THSD7B: variants seen among roughly 807,000 people sequenced by gnomAD.
THSD7B encodes thrombospondin type-1 domain-containing protein 7B.
THSD7B carries 138 observed loss-of-function variants against 213.6 expected under a neutral mutation model. The observed-to-expected ratio is 0.65, with a 90% CI of 0.56 to 0.74. THSD7B has a LOEUF of 0.74. Among genes scored for constraint, THSD7B ranks in the 30% least tolerant of loss-of-function variants. The pLI is 0.00. For synonymous variants in THSD7B, 742 were observed against 687.0 expected (o/e 1.08, Z -1.25); for missense variants, 1,931 against 1,991.5 (o/e 0.97, Z 0.58).
intron 1 of THSD7B, among the ~76,000 whole-genome samples, chr2:136,788,538 C>A (rs1018175712): frequency 6.6e-6 from 1 of 152,060 alleles, no homozygotes; most frequent in Admixed American, 6.6e-5. Flanking sequence ...AAAAAATATT[C>A]TTTTATATTT....
At chr2:137,184,879 T>C (rs1157517036) in intron 7 of THSD7B, among the ~76,000 whole-genome samples, 2 of 152,222 alleles carry the variant, frequency 1.3e-5, no homozygotes, top group African/African-American at 4.8e-5. Flanking sequence ...TTTGGGAATA[T>C]GAGGCTTCAT....
chr2:137,329,026 G>C (rs1292886489), intron 12 of THSD7B, among the ~76,000 whole-genome samples: 2 of 152,160 alleles, frequency 1.3e-5, no homozygotes, highest in Non-Finnish European at 2.9e-5. Flanking sequence ...AAAGACTAGG[G>C]TGCTGCCATA....
At chr2:137,655,074 C>T (rs1008703826) in intron 21 of THSD7B, among the ~76,000 whole-genome samples, 5 of 152,020 alleles carry the variant, frequency 3.3e-5, no homozygotes, top group Non-Finnish European at 7.4e-5. Context: ...GAAACCTCAA[C>T]CTAATCCATA....
intron 17 of THSD7B, among the ~76,000 whole-genome samples, chr2:137,573,279 C>A (rs954047685): frequency 6.6e-6 from 1 of 151,894 alleles, no homozygotes; most frequent in African/African-American, 2.4e-5. Context: ...TATATGAATT[C>A]AAACATTAGA....
intron 20 of THSD7B, among the ~76,000 whole-genome samples, chr2:137,636,101 A>G (rs1682828254): frequency 6.6e-6 from 1 of 152,178 alleles, no homozygotes; most frequent in South Asian, 2.1e-4. Flanking sequence ...CTGAATCTGC[A>G]TTATTGTGAA....
rs141360129 is a variant in THSD7B, at chr2:136,997,859, C to T, written c.140-58561C>T. The stretch of plus-strand genomic sequence containing the variant: ...GCTCAAAGCTTGGGACCCTACCACA[C>T]AGGCCTCAGGGAGCTCAGCTTAAGC... On this transcript the variant is annotated intron_variant, in intron 2 of 27. Transcript: ENST00000409968. Among the ~76,000 whole-genome samples the T allele has an allele frequency of 3.9e-4, 60 of 152,262 alleles. No homozygotes were observed. In the East Asian group the frequency reaches 0.011, roughly 28 times the overall value.
At chr2:136,946,606 G>A (rs1684942769) in intron 2 of THSD7B, among the ~76,000 whole-genome samples, 2 of 152,158 alleles carry the variant, frequency 1.3e-5, no homozygotes, top group African/African-American at 4.8e-5. Flanking sequence ...TCTATAGAGG[G>A]AGCAAGCTTT....
chr2:137,317,495 T>G (rs16838743), intron 12 of THSD7B, among the ~76,000 whole-genome samples: 4,127 of 152,332 alleles, frequency 0.027, 209 homozygotes, highest in African/African-American at 0.092. Context: ...TCTAGAGCAT[T>G]CTAATCAAAT....
chr2:136,897,903 G>A (rs1456721567), intron 2 of THSD7B, among the ~76,000 whole-genome samples: 1 of 151,868 alleles, frequency 6.6e-6, no homozygotes, highest in African/African-American at 2.4e-5. Flanking sequence ...GACACAGAGT[G>A]CTGATTGGTG....
At chr2:136,847,350 C>G (rs770846556) in intron 1 of THSD7B, among the ~76,000 whole-genome samples, 1 of 152,138 alleles carries the variant, frequency 6.6e-6, no homozygotes, top group Non-Finnish European at 1.5e-5. Flanking sequence ...ATCTAGAACA[C>G]TCTGGAAAGC....
intron 13 of THSD7B, among the ~76,000 whole-genome samples, chr2:137,409,809 T>C (rs72847173): frequency 0.23 from 34,281 of 152,212 alleles, 4,030 homozygotes; most frequent in South Asian, 0.27. Flanking sequence ...GGAAAGAATA[T>C]TTCGAGAATG....
At chr2:137,298,790 A>T (rs1242046826) in intron 12 of THSD7B, among the ~76,000 whole-genome samples, 2 of 152,300 alleles carry the variant, frequency 1.3e-5, no homozygotes, top group East Asian at 3.9e-4. Context: ...TCAAGAATTG[A>T]GGTTTGGAAA....
chr2:137,115,190 C>T lies in THSD7B; in HGVS notation c.1266C>T (p.Pro422=). 6.2e-7 allele frequency: 1 copy of T among 1,613,888 alleles called. No homozygotes were observed. Reference sequence around the variant, plus strand: ...CTCTCCTCCTCGAGCAGCAGGATCCCCACTGGCATGTGACGGGACCCGTGT... The same window carrying T: ...CTCTCCTCCTCGAGCAGCAGGATCCTCACTGGCATGTGACGGGACCCGTGT... ...QVSLLLEQQD[P]HWHVTGPVCG... is the part of the protein sequence containing the mutation. Residue 422 remains proline, a synonymous_variant, in exon 5 of 28, where the codon CCC becomes CCT. Coordinates refer to ENST00000409968, the MANE Select transcript of THSD7B (RefSeq NM_001316349.2).
chr2:137,269,036 T>C (rs1334714207), intron 10 of THSD7B, among the ~76,000 whole-genome samples: 1 of 152,144 alleles, frequency 6.6e-6, no homozygotes, highest in Non-Finnish European at 1.5e-5. Flanking sequence ...GAAATATACA[T>C]GCACACACAT....
chr2:137,635,575 G>C (rs2104856036), intron 20 of THSD7B, among the ~76,000 whole-genome samples: 2 of 152,226 alleles, frequency 1.3e-5, no homozygotes, highest in South Asian at 4.2e-4. Context: ...AAATACAGCA[G>C]ACACAGGTAG....
intron 2 of THSD7B, among the ~76,000 whole-genome samples, chr2:136,904,114 A>G (rs1684112941): frequency 6.6e-6 from 1 of 152,126 alleles, no homozygotes; most frequent in African/African-American, 2.4e-5. Context: ...GGGCAAGAAA[A>G]TGTGTTTCTC....
chr2:136,844,819 A>C (rs1682982440), intron 1 of THSD7B, among the ~76,000 whole-genome samples: 1 of 152,208 alleles, frequency 6.6e-6, no homozygotes, highest in East Asian at 1.9e-4. Context: ...AGGTAGGAGA[A>C]CATGTAAAGG....
At chr2:137,639,276 G>A (rs1158979141) in intron 20 of THSD7B, among the ~76,000 whole-genome samples, 6 of 152,188 alleles carry the variant, frequency 3.9e-5, no homozygotes, top group African/African-American at 1.2e-4. Flanking sequence ...TCGGAGAGTG[G>A]AAGCCCCAAG....
At chr2:136,822,117 G>A (rs1456552019) in intron 1 of THSD7B, among the ~76,000 whole-genome samples, 1 of 152,066 alleles carries the variant, frequency 6.6e-6, no homozygotes, top group Non-Finnish European at 1.5e-5. Flanking sequence ...CGATGACTTG[G>A]GAGTTATAAA....
Sources: gnomAD v4.1 joint callset for allele counts (sites outside exome capture counted in the v4.1 genomes callset) on GRCh38, gnomAD v4.1.1 for gene constraint, MANE v1.5 for transcripts, NCBI Gene and HGNC (gene_info 2026-07-23, HGNC 2026-07-21) for gene names.